Variants in DYM observed in about 807,000 individuals in gnomAD.
DYM encodes dymeclin, also known as dyggve-Melchior-Clausen syndrome protein.
DYM carries 78 observed loss-of-function variants against 93.1 expected under a neutral mutation model. That is an observed-to-expected ratio of 0.84 (90% CI 0.70 to 1.01). The LOEUF (loss-of-function observed/expected upper bound fraction) is 1.01, where lower values mean the gene tolerates loss of function less well. Among genes scored for constraint, DYM ranks in the 50% least tolerant of loss-of-function variants. The pLI, the probability that DYM is intolerant of heterozygous loss-of-function variation, is 0.00. For synonymous variants in DYM, 321 were observed against 319.7 expected (o/e 1.00, Z -0.04); for missense variants, 789 against 845.0 (o/e 0.93, Z 0.82).
At chr18:49,240,460 G>A (rs1424678463) in intron 13 of DYM, among the ~76,000 whole-genome samples, 2 of 152,190 alleles carry the variant, frequency 1.3e-5, no homozygotes, top group South Asian at 4.1e-4. Flanking sequence ...AGTCATTTGA[G>A]AGATATTGGT....
chr18:49,422,520 T>C (rs1185312205), intron 2 of DYM, among the ~76,000 whole-genome samples: 5 of 152,164 alleles, frequency 3.3e-5, no homozygotes, highest in African/African-American at 1.2e-4. Context: ...AACATCATAA[T>C]GACAGGATCA....
chr18:49,391,665 A>T lies in DYM; in HGVS notation c.141-20T>A. 6.2e-7 allele frequency: 1 copy of T among 1,603,996 alleles called. No homozygotes were observed. On this transcript the variant is annotated intron_variant, in intron 2 of 17. Coordinates refer to ENST00000675505, the MANE Select transcript of DYM (RefSeq NM_001353214.3). The stretch of plus-strand genomic sequence containing the variant: ...TCACTACTGGAGAGACAGAAGAATA[A>T]AGGTAATTAATGACTATAATACTAA...
At chr18:49,408,041 G>A (rs2071725140) in intron 2 of DYM, among the ~76,000 whole-genome samples, 1 of 135,558 alleles carries the variant, frequency 7.4e-6, no homozygotes, top group Admixed American at 8.1e-5. Context: ...AACAGCCTGG[G>A]CAACATAGCA....
chr18:49,074,869 C>A (rs920212986), intron 17 of DYM, among the ~76,000 whole-genome samples: 1 of 152,170 alleles, frequency 6.6e-6, no homozygotes, highest in Non-Finnish European at 1.5e-5. Context: ...GCTTTCAGAT[C>A]GTCTCAAATT....
intron 13 of DYM, among the ~76,000 whole-genome samples, chr18:49,212,283 T>TCAA (rs2092819642): frequency 1.3e-5 from 2 of 152,170 alleles, no homozygotes; most frequent in African/African-American, 4.8e-5. Context: ...CTTAAAATAG[T>TCAA]TTTTATCAAT....
chr18:49,067,186 A>T (rs201480965), intron 17 of DYM, among the ~76,000 whole-genome samples: 74 of 43,096 alleles, frequency 1.7e-3, no homozygotes, highest in East Asian at 3.7e-3. Flanking sequence ...GAGGTTCAGT[A>T]GAGGAAGGAG....
chr18:49,238,983 C>A (rs541093028), intron 13 of DYM, among the ~76,000 whole-genome samples: 3 of 152,154 alleles, frequency 2.0e-5, no homozygotes, highest in South Asian at 2.1e-4. Flanking sequence ...GAACATCCAG[C>A]CTGCCACACT....
At chr18:49,304,497 A>G (rs1315768696) in intron 8 of DYM, among the ~76,000 whole-genome samples, 1 of 152,072 alleles carries the variant, frequency 6.6e-6, no homozygotes, top group African/African-American at 2.4e-5. Context: ...TATATTGTCA[A>G]CCTCAGCCTC....
At chr18:49,421,071 G>A (rs1458374173) in intron 2 of DYM, among the ~76,000 whole-genome samples, 1 of 152,198 alleles carries the variant, frequency 6.6e-6, no homozygotes, top group Non-Finnish European at 1.5e-5. Flanking sequence ...ACCAATGGGG[G>A]CAGGGCACAG....
At chr18:49,169,665 C>T (rs1190892944) in intron 14 of DYM, among the ~76,000 whole-genome samples, 1 of 152,154 alleles carries the variant, frequency 6.6e-6, no homozygotes, top group Non-Finnish European at 1.5e-5. Context: ...CCTAAGCCTC[C>T]TCCCTATGCC....
chr18:49,155,790 C>T (rs540712868), intron 15 of DYM, among the ~76,000 whole-genome samples: 27 of 152,174 alleles, frequency 1.8e-4, no homozygotes, highest in Non-Finnish European at 3.5e-4. Flanking sequence ...TATGGATACA[C>T]CACATTTTAT....
chr18:49,447,431 C>T (rs924517011), intron 1 of DYM: 7 of 152,256 alleles, frequency 4.6e-5, no homozygotes, highest in African/African-American at 1.7e-4. Flanking sequence ...ATAGTGTAGC[C>T]ACTTCATAAT....
chr18:49,397,308 C>T (rs1448253985), intron 2 of DYM, among the ~76,000 whole-genome samples: 2 of 152,122 alleles, frequency 1.3e-5, no homozygotes, highest in African/African-American at 4.8e-5. Flanking sequence ...CTTTAAATAT[C>T]TTTCAAAACA....
intron 13 of DYM, among the ~76,000 whole-genome samples, chr18:49,223,800 T>C (rs1568048520): frequency 6.6e-6 from 1 of 151,912 alleles, no homozygotes; most frequent in Non-Finnish European, 1.5e-5. Context: ...AAGGCAGACA[T>C]AGGACTGAGA....
At chr18:49,252,222 A>AAAAAAG (rs1216857383) in intron 13 of DYM, among the ~76,000 whole-genome samples, 1 of 138,818 alleles carries the variant, frequency 7.2e-6, no homozygotes, top group African/African-American at 2.6e-5. Flanking sequence ...GCCTCAAAAA[A>AAAAAAG]AAAAAAAAAA....
At position 49,291,943 on chromosome 18, in the gene DYM, A is replaced by G. The variant is rs530836589; in HGVS notation, c.764-5327T>C. 1.5e-4 allele frequency among the ~76,000 whole-genome samples: 23 copies of G among 152,252 alleles called. No individual in the cohort carries two copies. In the South Asian group the frequency reaches 4.2e-3, roughly 27 times the overall value. On this transcript the variant is annotated intron_variant, in intron 8 of 17. Coordinates refer to ENST00000675505, the MANE Select transcript of DYM (RefSeq NM_001353214.3). Reference sequence around the variant, plus strand: ...TTTAAAGCCATTTTCTTCCACTCAGAGTATGCTCCATGACAGTCAGCTCCA... The same window carrying G: ...TTTAAAGCCATTTTCTTCCACTCAGGGTATGCTCCATGACAGTCAGCTCCA...
chr18:49,161,530 C>A (rs1243030218), intron 15 of DYM, among the ~76,000 whole-genome samples: 1 of 152,092 alleles, frequency 6.6e-6, no homozygotes, highest in Non-Finnish European at 1.5e-5. Flanking sequence ...TTGGTAAACC[C>A]AACTCCCCAT....
At position 49,282,159 on chromosome 18, in the gene DYM, G is replaced by A. The variant is rs1259996232; in HGVS notation, c.963C>T (p.Pro321=). The A allele has an allele frequency of 6.2e-6, 10 of 1,613,770 alleles. No homozygotes were observed. In the Admixed American group the frequency reaches 8.3e-5, roughly 13 times the overall value. ...FKNTQDSSPF[P]SSIPHAFQIN... Reference sequence around the variant, plus strand: ...TCTGGAAGGCATGTGGAATTGATGAGGGGAAAGGACTGCTATCTGGAATAC... The same window carrying A: ...TCTGGAAGGCATGTGGAATTGATGAAGGGAAAGGACTGCTATCTGGAATAC... Residue 321 remains proline (P), a synonymous_variant, in exon 10 of 18, where the codon CCC becomes CCT. Coordinates refer to ENST00000675505, the MANE Select transcript of DYM (RefSeq NM_001353214.3).
At chr18:49,054,996 C>T (rs947252056) in intron 17 of DYM, among the ~76,000 whole-genome samples, 1 of 152,192 alleles carries the variant, frequency 6.6e-6, no homozygotes, top group Non-Finnish European at 1.5e-5. Flanking sequence ...GGACCTCTGT[C>T]ACAGACCCAG....
Sources: gnomAD v4.1 joint callset for allele counts (sites outside exome capture counted in the v4.1 genomes callset) on GRCh38, gnomAD v4.1.1 for gene constraint, MANE v1.5 for transcripts, NCBI Gene and HGNC (gene_info 2026-07-23, HGNC 2026-07-21) for gene names.